The following NAALADL2 variants were observed in gnomAD, a reference collection of about 807,000 sequenced individuals.
NAALADL2 encodes the protein N-acetylated alpha-linked acidic dipeptidase like 2.
Under a neutral mutation model 87.2 loss-of-function variants are expected in NAALADL2, and 76 were observed. The ratio of observed to expected loss-of-function variants is 0.87; its 90% confidence interval spans 0.72 to 1.05. The LOEUF is 1.05. Ranked by LOEUF, NAALADL2 falls within the 50% of genes least tolerant of loss-of-function variation. The pLI is 0.00. For missense variants in NAALADL2, 1,089 were observed against 945.8 expected, an observed-to-expected ratio of 1.15 and a Z score of -1.99; for synonymous variants, 354 against 331.0, an observed-to-expected ratio of 1.07 and a Z score of -0.75.
intron 3 of NAALADL2, among the ~76,000 whole-genome samples, chr3:174,819,051 A>ATTTTTTTTTTTTTTTTT (rs1560255249): frequency 2.3e-5 from 2 of 85,916 alleles, no homozygotes; most frequent in African/African-American, 7.6e-5. Flanking sequence ...TTATTATACC[A>ATTTTTTTTTTTTTTTTT]TTTATTCTTT....
intron 3 of NAALADL2, among the ~76,000 whole-genome samples, chr3:175,249,804 T>A (rs565154309): frequency 6.6e-6 from 1 of 152,212 alleles, no homozygotes; most frequent in Non-Finnish European, 1.5e-5. Context: ...TGTGACTATA[T>A]TTGAGAATTT....
chr3:175,079,153 T>C (rs1330221926), intron 1 of NAALADL2, among the ~76,000 whole-genome samples: 1 of 152,180 alleles, frequency 6.6e-6, no homozygotes, highest in Non-Finnish European at 1.5e-5. Flanking sequence ...TTTATTGTGG[T>C]TTTTACTTGT....
At chr3:175,636,022 T>G (rs1728480747) in intron 11 of NAALADL2, among the ~76,000 whole-genome samples, 1 of 152,170 alleles carries the variant, frequency 6.6e-6, no homozygotes, top group Admixed American at 6.5e-5. Context: ...AATGTAGATA[T>G]TAAAGAGTCC....
intron 1 of NAALADL2, among the ~76,000 whole-genome samples, chr3:174,952,535 C>T (rs1487106639): frequency 6.6e-6 from 1 of 152,086 alleles, no homozygotes; most frequent in Non-Finnish European, 1.5e-5. Context: ...ATTGCTTTTA[C>T]TCTGAGCCAC....
chr3:174,697,910 T>C (rs1729181528), intron 2 of NAALADL2, among the ~76,000 whole-genome samples: 1 of 151,924 alleles, frequency 6.6e-6, no homozygotes, highest in South Asian at 2.1e-4. Flanking sequence ...GCCAATGTGG[T>C]GAAACCCGGT....
intron 2 of NAALADL2, among the ~76,000 whole-genome samples, chr3:174,556,502 TAAG>T (rs1367620298): frequency 6.6e-6 from 1 of 152,134 alleles, no homozygotes; most frequent in Non-Finnish European, 1.5e-5. Context: ...ACGTGTTTCT[TAAG>T]AAGAAAAGAA....
intron 5 of NAALADL2, among the ~76,000 whole-genome samples, chr3:175,381,151 A>G (rs1178209735): frequency 6.6e-6 from 1 of 151,862 alleles, no homozygotes; most frequent in Non-Finnish European, 1.5e-5. Flanking sequence ...ATAATTTAGT[A>G]TCCATTTGTA....
intron 13 of NAALADL2, chr3:175,773,607 C>G (rs895197565): frequency 3.9e-5 from 6 of 152,214 alleles, no homozygotes; most frequent in African/African-American, 1.4e-4. Context: ...GATCGTAGCT[C>G]TCTTTCTGGT....
intron 5 of NAALADL2, among the ~76,000 whole-genome samples, chr3:175,386,225 C>CTTTTTTT (rs34006374): frequency 6.7e-6 from 1 of 148,250 alleles, no homozygotes. Context: ...GATAGATCAT[C>CTTTTTTT]TTTTTTTTTT....
At chr3:174,919,563 C>A (rs180833590) in intron 1 of NAALADL2, among the ~76,000 whole-genome samples, 13 of 152,210 alleles carry the variant, frequency 8.5e-5, no homozygotes, top group Non-Finnish European at 1.6e-4. Flanking sequence ...AGTTTTCTTG[C>A]TGCTTCCACC....
intron 4 of NAALADL2, among the ~76,000 whole-genome samples, chr3:175,278,596 T>C (rs1391046521): frequency 1.3e-5 from 2 of 152,162 alleles, no homozygotes; most frequent in Non-Finnish European, 2.9e-5. Flanking sequence ...TTTTAAAGTG[T>C]TCCTTATAAA....
intron 2 of NAALADL2, among the ~76,000 whole-genome samples, chr3:174,732,996 A>G (rs1183970618): frequency 6.6e-6 from 1 of 152,210 alleles, no homozygotes; most frequent in African/African-American, 2.4e-5. Flanking sequence ...TTGTCCTTCT[A>G]ATATGAGAAT....
chr3:174,546,359 C>G (rs1329401650), intron 1 of NAALADL2, among the ~76,000 whole-genome samples: 1 of 152,120 alleles, frequency 6.6e-6, no homozygotes, highest in Non-Finnish European at 1.5e-5. Context: ...TACCTCTGCT[C>G]TTTTGTTTGG....
intron 5 of NAALADL2, among the ~76,000 whole-genome samples, chr3:175,330,373 G>C (rs1252857447): frequency 6.6e-6 from 1 of 151,914 alleles, no homozygotes; most frequent in African/African-American, 2.4e-5. Context: ...GAGCCTTGAA[G>C]GTTGAACTGT....
intron 1 of NAALADL2, among the ~76,000 whole-genome samples, chr3:175,014,713 C>T (rs559040688): frequency 1.3e-5 from 2 of 152,232 alleles, no homozygotes; most frequent in East Asian, 1.9e-4. Flanking sequence ...TTGTATTTTA[C>T]AGGATTACAA....
chr3:174,599,431 G>A (rs1718233574), intron 2 of NAALADL2, among the ~76,000 whole-genome samples: 1 of 151,892 alleles, frequency 6.6e-6, no homozygotes, highest in South Asian at 2.1e-4. Context: ...ATAGGCTCTT[G>A]GTACAAAAGA....
At chr3:174,773,889 A>G (rs1466622877) in intron 3 of NAALADL2, among the ~76,000 whole-genome samples, 2 of 152,102 alleles carry the variant, frequency 1.3e-5, no homozygotes, top group African/African-American at 2.4e-5. Flanking sequence ...GAGAGAGTGG[A>G]TGAGAGGAGT....
intron 1 of NAALADL2, among the ~76,000 whole-genome samples, chr3:175,018,608 A>G (rs187269407): frequency 4.6e-5 from 7 of 152,186 alleles, no homozygotes; most frequent in Admixed American, 3.3e-4. Context: ...CTCACCGCAT[A>G]CACATCTACC....
At chr3:174,734,914 AGT>A (rs1349098567) in intron 2 of NAALADL2, among the ~76,000 whole-genome samples, 1 of 152,188 alleles carries the variant, frequency 6.6e-6, no homozygotes, top group Non-Finnish European at 1.5e-5. Context: ...TATTGAAATG[AGT>A]GTGAAAAACT....
Sources: gnomAD v4.1 joint callset for allele counts (sites outside exome capture counted in the v4.1 genomes callset) on GRCh38, gnomAD v4.1.1 for gene constraint, MANE v1.5 for transcripts, NCBI Gene and HGNC (gene_info 2026-07-23, HGNC 2026-07-21) for gene names.